UTRN: variants seen among roughly 807,000 people sequenced by gnomAD.
UTRN encodes dystrophin-related protein 1.
Under a neutral mutation model 463.9 loss-of-function variants are expected in UTRN, and 283 were observed. The ratio of observed to expected loss-of-function variants is 0.61; its 90% CI spans 0.55 to 0.67. The LOEUF is 0.67. Among genes scored for constraint, UTRN ranks in the 30% least tolerant of loss-of-function variants. UTRN has a pLI of 0.00. For missense variants in UTRN, 3,922 were observed against 4,084.3 expected, an observed-to-expected ratio of 0.96 and a Z score of 1.08; for synonymous variants, 1,442 against 1,431.5, an observed-to-expected ratio of 1.01 and a Z score of -0.17.
chr6:144,337,811 T>C (rs1253243269), intron 2 of UTRN, among the ~76,000 whole-genome samples: 2 of 152,036 alleles, frequency 1.3e-5, no homozygotes, highest in Non-Finnish European at 2.9e-5. Context: ...GATGGAGTCT[T>C]ACCATGTTGG....
intron 6 of UTRN, among the ~76,000 whole-genome samples, chr6:144,424,869 C>T (rs1164699860): frequency 3.9e-5 from 6 of 151,938 alleles, no homozygotes; most frequent in African/African-American, 9.7e-5. Flanking sequence ...AACACAATAG[C>T]ATATTGGTAT....
chr6:144,575,189 C>T (rs1168928978), intron 50 of UTRN, among the ~76,000 whole-genome samples: 6 of 151,782 alleles, frequency 4.0e-5, no homozygotes, highest in Admixed American at 2.6e-4. Flanking sequence ...TCTATGGTAA[C>T]GTATAGGTTT....
chr6:144,554,121 A>G (rs1353725184), intron 48 of UTRN, among the ~76,000 whole-genome samples: 2 of 152,216 alleles, frequency 1.3e-5, no homozygotes, highest in East Asian at 3.8e-4. Flanking sequence ...TGCACAGTTC[A>G]TGAGTCTCTT....
intron 23 of UTRN, among the ~76,000 whole-genome samples, chr6:144,466,815 G>A (rs1237940531): frequency 6.6e-6 from 1 of 152,200 alleles, no homozygotes; most frequent in Admixed American, 6.5e-5. Context: ...ACTGGGAAAT[G>A]AAAGATGTCC....
intron 2 of UTRN, among the ~76,000 whole-genome samples, chr6:144,316,822 G>T (rs916032450): frequency 1.3e-5 from 2 of 151,896 alleles, no homozygotes; most frequent in African/African-American, 4.8e-5. Context: ...TTATTAGTTA[G>T]GACTTAGAGT....
intron 6 of UTRN, among the ~76,000 whole-genome samples, chr6:144,426,002 G>T (rs1466725548): frequency 6.6e-6 from 1 of 152,150 alleles, no homozygotes; most frequent in African/African-American, 2.4e-5. Flanking sequence ...TGAAAGTTAT[G>T]TTCATTGTAA....
chr6:144,700,005 T>C (rs769405108), intron 52 of UTRN, 82 bp from the exon 53 acceptor site: 17 of 1,386,298 alleles, frequency 1.2e-5, no homozygotes, highest in Non-Finnish European at 1.5e-5. Context: ...AAGATTATTA[T>C]GCTAAAGGAA....
rs76981720 is a variant in UTRN, at chr6:144,557,925, A to G, written c.7289+614A>G. 2.5e-3 allele frequency among the ~76,000 whole-genome samples: 383 copies of G among 152,342 alleles called. 13 individuals are homozygous for G. The East Asian group carries it at 0.059, about 24-fold the overall frequency. On this transcript the variant is annotated intron_variant, in intron 50 of 74. Coordinates refer to ENST00000367545, the MANE Select transcript of UTRN (RefSeq NM_007124.3). Reference sequence around the variant, plus strand: ...ACCTAGAATTTGAGAAACTATAAACAGTGATTAGCATCTCTTTAAGACTGC... The same window carrying G: ...ACCTAGAATTTGAGAAACTATAAACGGTGATTAGCATCTCTTTAAGACTGC...
intron 45 of UTRN, among the ~76,000 whole-genome samples, chr6:144,541,481 A>T (rs1046492048): frequency 6.6e-6 from 1 of 152,238 alleles, no homozygotes; most frequent in Non-Finnish European, 1.5e-5. Context: ...TTTTAATATA[A>T]TTCACTTTGG....
chr6:144,474,893 C>T (rs780336394), intron 25 of UTRN, 134 bp downstream of exon 25: 14 of 979,544 alleles, frequency 1.4e-5, no homozygotes, highest in Non-Finnish European at 1.9e-5. Context: ...GGGTAGTGAG[C>T]TGGGGCCAAA....
intron 2 of UTRN, among the ~76,000 whole-genome samples, chr6:144,372,338 G>A (rs1386763596): frequency 6.6e-6 from 1 of 152,078 alleles, no homozygotes; most frequent in Non-Finnish European, 1.5e-5. Flanking sequence ...CTGTTAAATG[G>A]GATAGTAATA....
intron 41 of UTRN, among the ~76,000 whole-genome samples, chr6:144,526,990 G>A (rs1293066152): frequency 6.6e-6 from 1 of 151,838 alleles, no homozygotes; most frequent in Non-Finnish European, 1.5e-5. Context: ...AGTACAGGTG[G>A]GGTTTCACTG....
At chr6:144,807,820 TGG>T (rs1778278104) in intron 65 of UTRN, among the ~76,000 whole-genome samples, 2 of 152,172 alleles carry the variant, frequency 1.3e-5, no homozygotes, top group African/African-American at 4.8e-5. Context: ...CCTTGAGGAC[TGG>T]GATGACTTTT....
intron 18 of UTRN, 115 bp downstream of exon 18, chr6:144,451,608 C>T (rs769877218): frequency 2.9e-4 from 369 of 1,259,384 alleles, no homozygotes; most frequent in Non-Finnish European, 3.6e-4. Flanking sequence ...TAAATGTAGG[C>T]AGAAGGTAGC....
At chr6:144,615,543 G>C (rs1805991838) in intron 51 of UTRN, among the ~76,000 whole-genome samples, 1 of 152,030 alleles carries the variant, frequency 6.6e-6, no homozygotes, top group African/African-American at 2.4e-5. Context: ...GAATCCTTTA[G>C]CTCAAACCAG....
chr6:144,528,228 G>T (rs556412157), intron 41 of UTRN, among the ~76,000 whole-genome samples: 1 of 151,986 alleles, frequency 6.6e-6, no homozygotes, highest in Non-Finnish European at 1.5e-5. Flanking sequence ...TGGAGACAGG[G>T]TTTCCCCATG....
At chr6:144,622,034 C>T (rs375896584) in intron 51 of UTRN, among the ~76,000 whole-genome samples, 11 of 151,728 alleles carry the variant, frequency 7.2e-5, no homozygotes, top group Admixed American at 4.6e-4. Context: ...TCATTGTATT[C>T]GTGACATGTT....
intron 57 of UTRN, among the ~76,000 whole-genome samples, chr6:144,756,222 C>A (rs1177802059): frequency 1.3e-5 from 2 of 152,058 alleles, no homozygotes; most frequent in Non-Finnish European, 2.9e-5. Flanking sequence ...GTACCAAGAC[C>A]AAATGAAAGA....
intron 2 of UTRN, among the ~76,000 whole-genome samples, chr6:144,387,495 A>G (rs1781519498): frequency 6.6e-6 from 1 of 152,176 alleles, no homozygotes; most frequent in Non-Finnish European, 1.5e-5. Context: ...TTTATTGCAA[A>G]AGGTGTATTT....
Sources: gnomAD v4.1 joint callset for allele counts (sites outside exome capture counted in the v4.1 genomes callset) on GRCh38, gnomAD v4.1.1 for gene constraint, MANE v1.5 for transcripts, NCBI Gene and HGNC (gene_info 2026-07-23, HGNC 2026-07-21) for gene names.